FRMPD4: variants seen among roughly 807,000 people sequenced by gnomAD.
FRMPD4 encodes FERM and PDZ domain-containing protein 4.
In FRMPD4, 22 loss-of-function variants were observed where a neutral mutation model predicts 94.1. The ratio of observed to expected loss-of-function variants is 0.23; its 90% CI spans 0.17 to 0.33. FRMPD4 has a LOEUF of 0.33. Ranked by LOEUF, FRMPD4 falls within the 10% of genes least tolerant of loss-of-function variation. FRMPD4 has a pLI of 1.00. For missense variants in FRMPD4, 1,111 were observed against 1,339.9 expected, an observed-to-expected ratio of 0.83 and a Z score of 2.67; for synonymous variants, 631 against 548.6, an observed-to-expected ratio of 1.15 and a Z score of -2.10.
intron 1 of FRMPD4, among the ~76,000 whole-genome samples, chrX:11,824,487 T>C (rs1227603067): frequency 1.8e-5 from 2 of 111,179 alleles, no homozygotes; most frequent in African/African-American, 6.6e-5. Flanking sequence ...TTGAGAAGCA[T>C]CCCTAGTCTC....
chrX:12,432,987 A>G (rs968128005), intron 1 of FRMPD4, among the ~76,000 whole-genome samples: 7 of 112,785 alleles, frequency 6.2e-5, no homozygotes, highest in African/African-American at 1.9e-4. Context: ...AGTGAAAACA[A>G]TATTCCAAAA....
chrX:12,564,413 G>A (rs1180090488), intron 2 of FRMPD4, among the ~76,000 whole-genome samples: 1 of 111,981 alleles, frequency 8.9e-6, no homozygotes, highest in Non-Finnish European at 1.9e-5. Flanking sequence ...AATGACAAAT[G>A]ATGACACATA....
At chrX:11,910,484 A>G (rs888578554) in intron 3 of FRMPD4, among the ~76,000 whole-genome samples, 12 of 110,182 alleles carry the variant, frequency 1.1e-4, no homozygotes, top group Non-Finnish European at 2.1e-4. Context: ...CAGTGGTGTG[A>G]TCTCGGCTCA....
In FRMPD4 at chrX:11,846,876, G is replaced by T. The variant is rs1343541246; in HGVS notation, c.-160-18210G>T. ...CCTTCCTTACACCTTATACAAAAAT[G>T]AATTCAAGATGGATTAAAGACTTAA... On this transcript the variant is annotated intron_variant, in intron 1 of 18. Transcript: ENST00000640291. Among the ~76,000 whole-genome samples the T allele has an allele frequency of 4.5e-5, 5 of 110,105 alleles. No homozygotes were observed. The South Asian group carries it at 1.6e-3, about 34-fold the overall frequency.
chrX:12,111,551 A>G (rs1349399788), intron 3 of FRMPD4, among the ~76,000 whole-genome samples: 1 of 111,607 alleles, frequency 9.0e-6, no homozygotes, highest in African/African-American at 3.3e-5. Flanking sequence ...AATGGCAACA[A>G]AAGCCAAAAT....
chrX:12,076,167 A>G (rs768567648), intron 3 of FRMPD4, among the ~76,000 whole-genome samples: 2 of 111,720 alleles, frequency 1.8e-5, no homozygotes, highest in Non-Finnish European at 3.8e-5. Flanking sequence ...TATCAAATGC[A>G]TGAATAAAGC....
intron 1 of FRMPD4, among the ~76,000 whole-genome samples, chrX:11,855,166 C>T (rs1215385198): frequency 8.9e-6 from 1 of 112,411 alleles, no homozygotes. Flanking sequence ...TATGTTGGCT[C>T]CTTTTAGCCA....
intron 1 of FRMPD4, among the ~76,000 whole-genome samples, chrX:12,316,158 A>T (rs933692184): frequency 9.1e-6 from 1 of 110,492 alleles, no homozygotes; most frequent in South Asian, 3.9e-4. Flanking sequence ...TTATTTATTT[A>T]TTTTTTTTGA....
intron 1 of FRMPD4, among the ~76,000 whole-genome samples, chrX:12,311,737 T>A (rs1015820650): frequency 8.9e-6 from 1 of 111,990 alleles, no homozygotes; most frequent in Admixed American, 9.4e-5. Flanking sequence ...TTCCACTGTC[T>A]TGTAACTTCC....
chrX:11,904,645 C>T (rs969176802), intron 3 of FRMPD4, among the ~76,000 whole-genome samples: 10 of 111,857 alleles, frequency 8.9e-5, no homozygotes, highest in African/African-American at 3.3e-5. Context: ...TGGCCTTAAC[C>T]TCCAAGACTC....
chrX:12,208,734 T>G (rs971514271), intron 1 of FRMPD4, among the ~76,000 whole-genome samples: 15 of 112,094 alleles, frequency 1.3e-4, no homozygotes, highest in Non-Finnish European at 3.8e-5. Flanking sequence ...TGAACCTTAG[T>G]AATTTTTTAA....
chrX:12,216,030 A>T (rs1168246118), intron 1 of FRMPD4, among the ~76,000 whole-genome samples: 7 of 112,502 alleles, frequency 6.2e-5, no homozygotes, highest in African/African-American at 1.3e-4. Flanking sequence ...TTAAAGAAAA[A>T]GTTTGCCAAC....
chrX:12,093,662 C>T (rs1252730163), intron 3 of FRMPD4, among the ~76,000 whole-genome samples: 1 of 108,488 alleles, frequency 9.2e-6, no homozygotes. Context: ...AGCAAATCAG[C>T]AATTTCAAAA....
At chrX:11,954,764 T>C (rs1276442732) in intron 3 of FRMPD4, among the ~76,000 whole-genome samples, 1 of 110,552 alleles carries the variant, frequency 9.0e-6, no homozygotes, top group East Asian at 2.8e-4. Context: ...TCTGTCAATA[T>C]AGTTTCTACC....
intron 14 of FRMPD4, among the ~76,000 whole-genome samples, chrX:12,713,535 G>A (rs916969635): frequency 9.0e-6 from 1 of 111,062 alleles, no homozygotes; most frequent in Non-Finnish European, 1.9e-5. Flanking sequence ...ATAACAGAGA[G>A]AGAGCACACT....
intron 3 of FRMPD4, among the ~76,000 whole-genome samples, chrX:12,102,565 T>A (rs752110301): frequency 9.0e-6 from 1 of 111,642 alleles, no homozygotes; most frequent in African/African-American, 3.3e-5. Flanking sequence ...TTTGGAAATT[T>A]TCATAGCAAG....
intron 3 of FRMPD4, among the ~76,000 whole-genome samples, chrX:12,610,602 G>T (rs1015211462): frequency 1.8e-5 from 2 of 111,686 alleles, no homozygotes; most frequent in African/African-American, 6.5e-5. Context: ...CAAAAAATTA[G>T]CCAGGTGTGG....
At chrX:12,652,162 G>A (rs2059600966) in intron 4 of FRMPD4, among the ~76,000 whole-genome samples, 1 of 111,911 alleles carries the variant, frequency 8.9e-6, no homozygotes, top group African/African-American at 3.2e-5. Context: ...AACATAAACA[G>A]GTTTCATTCA....
intron 3 of FRMPD4, among the ~76,000 whole-genome samples, chrX:12,107,098 C>T (rs7055771): frequency 0.2 from 22,472 of 111,032 alleles, 1,764 homozygotes; most frequent in South Asian, 0.33. Flanking sequence ...GACAGATTGC[C>T]TCCTCAAGTG....
Sources: allele counts gnomAD v4.1 joint callset (sites outside exome capture counted in the v4.1 genomes callset), GRCh38; gene constraint gnomAD v4.1.1; transcripts MANE v1.5; gene names NCBI Gene and HGNC (gene_info 2026-07-23, HGNC 2026-07-21).